Variants in RBFOX1 observed in about 807,000 individuals in gnomAD.
RBFOX1 encodes the protein RNA binding fox-1 homolog 1, also known as RNA binding protein fox-1 homolog 1.
In RBFOX1, 8 loss-of-function variants were observed where a neutral mutation model predicts 57.7. The ratio of observed to expected loss-of-function variants is 0.14; its 90% CI spans 0.08 to 0.25. The LOEUF is 0.25. RBFOX1 is among the 10% of genes least tolerant of loss of function. The probability of loss-of-function intolerance (pLI) is 1.00; values close to 1 mark genes in which losing one functional copy is unlikely to be tolerated. For synonymous variants in RBFOX1, 326 were observed against 222.4 expected, an observed-to-expected ratio of 1.47 and a Z score of -4.15; for missense variants, 611 against 548.5, an observed-to-expected ratio of 1.11 and a Z score of -1.14.
rs556131077 is a variant in RBFOX1 at position 7,155,903 on chromosome 16, C to G, written c.27+103805C>G. ...GGATATAAATTTTATGTCTCTATAA[C>G]TGGACATTAAATCTCATTCCTATAC... is the stretch of plus-strand genomic sequence containing the variant. On this transcript the variant is annotated intron_variant, in intron 4 of 15. Transcript: ENST00000550418. Among the ~76,000 whole-genome samples the G allele has an allele frequency of 1.2e-4, 18 of 151,578 alleles. 1 individual carries two copies. In the South Asian group the frequency reaches 3.5e-3, roughly 30 times the overall value.
chr16:5,312,221 G>A (rs1056327518), intron 1 of RBFOX1, among the ~76,000 whole-genome samples: 1 of 152,238 alleles, frequency 6.6e-6, no homozygotes, highest in South Asian at 2.1e-4. Context: ...GTGAAAGAGG[G>A]TCTCTGAAGC....
At chr16:6,331,857 G>A (rs2083079205) in intron 2 of RBFOX1, among the ~76,000 whole-genome samples, 1 of 151,964 alleles carries the variant, frequency 6.6e-6, no homozygotes, top group Non-Finnish European at 1.5e-5. Flanking sequence ...GCTTGGTGGG[G>A]TCTTGCTGGT....
intron 3 of RBFOX1, among the ~76,000 whole-genome samples, chr16:6,995,717 T>A (rs879276042): frequency 1.4e-5 from 2 of 145,506 alleles, no homozygotes; most frequent in African/African-American, 5.7e-5. Context: ...GCCAAGATCA[T>A]GCCACCGCAC....
chr16:6,506,063 T>G (rs2096080141), intron 2 of RBFOX1, among the ~76,000 whole-genome samples: 1 of 152,140 alleles, frequency 6.6e-6, no homozygotes, highest in Non-Finnish European at 1.5e-5. Flanking sequence ...AGCAAAGCAG[T>G]TAGCAAAGGT....
chr16:5,965,298 G>A (rs2059821825), intron 4 of RBFOX1, among the ~76,000 whole-genome samples: 1 of 152,140 alleles, frequency 6.6e-6, no homozygotes, highest in Non-Finnish European at 1.5e-5. Context: ...GACCTCAAAT[G>A]TTCTTACCAC....
intron 5 of RBFOX1, among the ~76,000 whole-genome samples, chr16:7,561,776 T>A (rs1033711108): frequency 6.6e-6 from 1 of 152,214 alleles, no homozygotes; most frequent in Non-Finnish European, 1.5e-5. Flanking sequence ...ATCACCCATT[T>A]TCTGCAACTG....
intron 1 of RBFOX1, among the ~76,000 whole-genome samples, chr16:6,295,161 A>G (rs113039090): frequency 0.26 from 36,383 of 138,138 alleles, 4,627 homozygotes; most frequent in Middle Eastern, 0.31. Context: ...GTCTCTCTCC[A>G]TCGCCAGGCT....
At chr16:5,261,110 GT>G (rs1489530236) in intron 1 of RBFOX1, 1 of 152,114 alleles carries the variant, frequency 6.6e-6, no homozygotes, top group Non-Finnish European at 1.5e-5. Context: ...TTAAAACCAC[GT>G]TTCAATTTTA....
intron 1 of RBFOX1, among the ~76,000 whole-genome samples, chr16:6,112,735 A>C (rs774216011): frequency 6.6e-6 from 1 of 152,182 alleles, no homozygotes; most frequent in African/African-American, 2.4e-5. Flanking sequence ...GATGGAGTGG[A>C]ATCGTTTTCA....
chr16:5,421,685 AG>A (rs1481371155), intron 1 of RBFOX1, among the ~76,000 whole-genome samples: 2 of 152,258 alleles, frequency 1.3e-5, no homozygotes, highest in Non-Finnish European at 2.9e-5. Context: ...TTATTAAAAA[AG>A]ACATTTGAGT....
intron 2 of RBFOX1, among the ~76,000 whole-genome samples, chr16:5,590,462 G>T (rs1376619456): frequency 6.6e-6 from 1 of 152,138 alleles, no homozygotes; most frequent in Non-Finnish European, 1.5e-5. Flanking sequence ...CATTTCCTAC[G>T]AAGGGCTGGG....
chr16:6,225,878 G>A (rs1276962531), intron 1 of RBFOX1, among the ~76,000 whole-genome samples: 1 of 152,172 alleles, frequency 6.6e-6, no homozygotes, highest in Non-Finnish European at 1.5e-5. Context: ...AAAAGCCTTT[G>A]TAGACTTTAC....
chr16:6,932,170 C>G (rs1023300529), intron 3 of RBFOX1, among the ~76,000 whole-genome samples: 2 of 152,186 alleles, frequency 1.3e-5, no homozygotes, highest in East Asian at 3.9e-4. Flanking sequence ...GTGGCATGAT[C>G]TTGGCTCACT....
At chr16:6,678,653 A>T (rs751531268) in intron 3 of RBFOX1, among the ~76,000 whole-genome samples, 5 of 151,558 alleles carry the variant, frequency 3.3e-5, no homozygotes, top group Non-Finnish European at 7.4e-5. Flanking sequence ...GGGAAATGAC[A>T]CTTCTAAGAC....
At chr16:6,173,173 A>G (rs1169852290) in intron 1 of RBFOX1, among the ~76,000 whole-genome samples, 1 of 152,162 alleles carries the variant, frequency 6.6e-6, no homozygotes, top group Non-Finnish European at 1.5e-5. Context: ...CATGTACGGT[A>G]ACATAGTCAC....
chr16:5,623,310 T>C (rs1301363556), intron 3 of RBFOX1, among the ~76,000 whole-genome samples: 4 of 152,082 alleles, frequency 2.6e-5, no homozygotes, highest in Admixed American at 2.0e-4. Context: ...AACTGAAGGG[T>C]GTGTAAGAAT....
At chr16:6,737,197 T>C (rs751523855) in intron 3 of RBFOX1, among the ~76,000 whole-genome samples, 3 of 152,146 alleles carry the variant, frequency 2.0e-5, no homozygotes, top group Admixed American at 6.5e-5. Flanking sequence ...TGGCTATAGG[T>C]CAAGCAAAAA....
At chr16:6,087,497 A>T (rs192106762) in intron 1 of RBFOX1, among the ~76,000 whole-genome samples, 1 of 152,154 alleles carries the variant, frequency 6.6e-6, no homozygotes, top group Non-Finnish European at 1.5e-5. Flanking sequence ...ATATTTGGAA[A>T]TTTGGAATCA....
intron 4 of RBFOX1, among the ~76,000 whole-genome samples, chr16:7,073,745 A>T (rs1199061159): frequency 6.6e-6 from 1 of 152,128 alleles, no homozygotes; most frequent in African/African-American, 2.4e-5. Context: ...TGCCCTTGGT[A>T]CCAGTTACTC....
Sources: gnomAD v4.1 joint callset for allele counts (sites outside exome capture counted in the v4.1 genomes callset) on GRCh38, gnomAD v4.1.1 for gene constraint, MANE v1.5 for transcripts, NCBI Gene and HGNC (gene_info 2026-07-23, HGNC 2026-07-21) for gene names.